The following ARHGAP12 variants were observed in gnomAD, a reference collection of about 807,000 sequenced individuals.
ARHGAP12 encodes rho GTPase-activating protein 12.
Under a neutral mutation model 108.6 loss-of-function variants are expected in ARHGAP12, and 64 were observed. The observed-to-expected ratio is 0.59, with a 90% confidence interval of 0.48 to 0.73. The LOEUF (loss-of-function observed/expected upper bound fraction) is 0.73. Ranked by LOEUF, ARHGAP12 falls within the 30% of genes least tolerant of loss-of-function variation. The probability of loss-of-function intolerance (pLI) is 0.00; values close to 1 mark genes in which losing one functional copy is unlikely to be tolerated. For missense variants in ARHGAP12, 940 were observed against 1,005.9 expected (o/e 0.93, Z 0.89); for synonymous variants, 312 against 337.2 (o/e 0.93, Z 0.82).
intron 5 of ARHGAP12, 50 bp from the exon 6 acceptor site, chr10:31,852,647 T>A: frequency 8.1e-7 from 1 of 1,235,692 alleles, no homozygotes; most frequent in Non-Finnish European, 1.2e-6. Context: ...AAAAGTGAGT[T>A]TAAGCTACTA....
intron 3 of ARHGAP12, among the ~76,000 whole-genome samples, chr10:31,869,270 C>G (rs1837449515): frequency 6.6e-6 from 1 of 152,202 alleles, no homozygotes. Context: ...GGCACCGTGG[C>G]TCATGCCTGT....
chr10:31,807,370 C>A lies in ARHGAP12; in HGVS notation c.*288G>T. 3.6e-6 allele frequency: 1 copy of A among 274,018 alleles called. No individual in the cohort carries two copies. The highest frequency in any genetic ancestry group is 7.9e-5 in the South Asian group (1 of 12,664). The allele number at this position is 274,018 out of a possible 1,614,324, so 17.0% of individuals were successfully genotyped here. On this transcript the variant is annotated 3_prime_UTR_variant, in exon 20 of 20. Transcript: ENST00000344936. Reference sequence around the variant, plus strand: ...TTACCAAATTATCCAGTGTATATGACTGGTTAGAATTTTAAGTTTTGATTT... The same window carrying A: ...TTACCAAATTATCCAGTGTATATGAATGGTTAGAATTTTAAGTTTTGATTT...
At chr10:31,923,547 T>C (rs772289947) in intron 1 of ARHGAP12, among the ~76,000 whole-genome samples, 2 of 152,160 alleles carry the variant, frequency 1.3e-5, no homozygotes, top group Non-Finnish European at 2.9e-5. Context: ...CAATCAACAA[T>C]TGAATAAACT....
intron 1 of ARHGAP12, among the ~76,000 whole-genome samples, chr10:31,920,768 C>T (rs1839774814): frequency 6.6e-6 from 1 of 152,098 alleles, no homozygotes; most frequent in Non-Finnish European, 1.5e-5. Context: ...CTAAATAGCA[C>T]AGCCAGTTTA....
chr10:31,815,357 C>T (rs1835168149), intron 13 of ARHGAP12, among the ~76,000 whole-genome samples: 1 of 152,186 alleles, frequency 6.6e-6, no homozygotes, highest in African/African-American at 2.4e-5. Flanking sequence ...GCTTCCTCTA[C>T]AGTGCTCTAT....
chr10:31,849,054 CT>C (rs1445839957), intron 6 of ARHGAP12, among the ~76,000 whole-genome samples: 2 of 149,158 alleles, frequency 1.3e-5, no homozygotes, highest in African/African-American at 2.5e-5. Flanking sequence ...CGAGACTCGT[CT>C]TTAAAAAAAA....
chr10:31,820,788 C>T (rs1007281357), intron 11 of ARHGAP12, among the ~76,000 whole-genome samples: 1 of 149,400 alleles, frequency 6.7e-6, no homozygotes, highest in African/African-American at 2.5e-5. Flanking sequence ...AAAATTTTTT[C>T]AAAACTATGT....
intron 11 of ARHGAP12, among the ~76,000 whole-genome samples, chr10:31,823,800 C>T (rs2808104): frequency 0.19 from 28,598 of 152,092 alleles, 3,151 homozygotes; most frequent in East Asian, 0.38. Flanking sequence ...ATCTTCCTAA[C>T]GAATATTCAA....
chr10:31,839,236 G>C, intron 9 of ARHGAP12, 69 bp downstream of exon 9: 1 of 1,462,604 alleles, frequency 6.8e-7, no homozygotes, highest in Non-Finnish European at 9.4e-7. Flanking sequence ...CACAGACTTG[G>C]CAATATATTT....
intron 3 of ARHGAP12, among the ~76,000 whole-genome samples, chr10:31,884,586 C>T (rs774761480): frequency 1.1e-4 from 17 of 152,164 alleles, no homozygotes; most frequent in Non-Finnish European, 1.9e-4. Flanking sequence ...AAAATCATAA[C>T]AATTAACTCT....
intron 4 of ARHGAP12, among the ~76,000 whole-genome samples, chr10:31,859,128 C>A (rs983578903): frequency 6.6e-6 from 1 of 152,100 alleles, no homozygotes; most frequent in Non-Finnish European, 1.5e-5. Context: ...GGGAAAAATA[C>A]TAAGATTCTG....
chr10:31,848,685 T>A (rs1235994697), intron 6 of ARHGAP12, among the ~76,000 whole-genome samples: 1 of 152,222 alleles, frequency 6.6e-6, no homozygotes, highest in Non-Finnish European at 1.5e-5. Flanking sequence ...TGTATGTTTT[T>A]ATTTTTCCTA....
rs567954980 is a variant in ARHGAP12 at position 31,892,491 on chromosome 10, CAA to C, written c.684+15679_684+15680del. ...AAACAGACTTTAAACCAACAAAGATCAAAAGAGACAAAGAAGGCAATTACATA... is the reference window on the plus strand; with the variant it reads ...AAACAGACTTTAAACCAACAAAGATCAAGAGACAAAGAAGGCAATTACATA... On this transcript the variant is annotated intron_variant, in intron 3 of 19. Transcript: ENST00000344936. Among the ~76,000 whole-genome samples, 74 of 152,220 alleles carry C rather than the reference CAA, an allele frequency of 4.9e-4. 3 individuals carry two copies. The South Asian group carries it at 0.015, about 32-fold the overall frequency.
Position 31,809,326 on chromosome 10 carries a change from T to G in ARHGAP12, c.2051-19A>C. 1 of 1,607,398 alleles carries G rather than the reference T, an allele frequency of 6.2e-7. No individual in the cohort carries two copies. Among genetic ancestry groups the G allele is most frequent in the Non-Finnish European group, 8.5e-7 (1 of 1,174,266 alleles). Reference sequence around the variant, plus strand: ...TCCAAACCTAAGAGACAATAATAATTTGTGTGTGTGTGTGTTTAAAGTACT... The same window carrying G: ...TCCAAACCTAAGAGACAATAATAATGTGTGTGTGTGTGTGTTTAAAGTACT... On this transcript the variant is annotated intron_variant, in intron 16 of 19. Transcript: ENST00000344936.
intron 3 of ARHGAP12, among the ~76,000 whole-genome samples, chr10:31,890,309 A>G (rs927125836): frequency 3.9e-5 from 6 of 152,232 alleles, no homozygotes; most frequent in Non-Finnish European, 7.3e-5. Flanking sequence ...AAAGAGACAA[A>G]TAATTCCAAC....
At chr10:31,898,221 T>C (rs1838783719) in intron 3 of ARHGAP12, among the ~76,000 whole-genome samples, 1 of 152,092 alleles carries the variant, frequency 6.6e-6, no homozygotes, top group Non-Finnish European at 1.5e-5. Context: ...TACAACTCAA[T>C]AATAAGGCAA....
chr10:31,884,140 GACC>G (rs1160453182), intron 3 of ARHGAP12, among the ~76,000 whole-genome samples: 8 of 138,748 alleles, frequency 5.8e-5, no homozygotes, highest in Middle Eastern at 8.1e-3. Context: ...ATGGTTAAAA[GACC>G]ACTTCTTTCC....
At chr10:31,840,460 T>A (rs1836218835) in intron 7 of ARHGAP12, among the ~76,000 whole-genome samples, 1 of 152,112 alleles carries the variant, frequency 6.6e-6, no homozygotes, top group African/African-American at 2.4e-5. Flanking sequence ...GAAAAACTTT[T>A]TTTTGGTAGC....
At chr10:31,891,814 A>G (rs79204565) in intron 3 of ARHGAP12, among the ~76,000 whole-genome samples, 4 of 151,752 alleles carry the variant, frequency 2.6e-5, no homozygotes, top group Admixed American at 2.0e-4. Flanking sequence ...TTCTCTTCTC[A>G]CTTCATTTCA....
Sources: allele counts gnomAD v4.1 joint callset (sites outside exome capture counted in the v4.1 genomes callset), GRCh38; gene constraint gnomAD v4.1.1; transcripts MANE v1.5; gene names NCBI Gene and HGNC (gene_info 2026-07-23, HGNC 2026-07-21).